The following SIAE variants were observed in gnomAD, a reference collection of about 807,000 sequenced individuals.
SIAE encodes sialate O-acetylesterase.
In SIAE, 39 loss-of-function variants were observed where a neutral mutation model predicts 52.6. The ratio of observed to expected loss-of-function variants is 0.74; its 90% CI spans 0.57 to 0.97. The LOEUF (loss-of-function observed/expected upper bound fraction) is 0.97, where lower values mean the gene tolerates loss of function less well. Ranked by LOEUF, SIAE falls within the 50% of genes least tolerant of loss-of-function variation. The probability of loss-of-function intolerance (pLI) is 0.00; values close to 1 mark genes in which losing one functional copy is unlikely to be tolerated. For missense variants in SIAE, 592 were observed against 662.1 expected, an observed-to-expected ratio of 0.89 and a Z score of 1.16; for synonymous variants, 233 against 241.4, an observed-to-expected ratio of 0.97 and a Z score of 0.32.
intron 3 of SIAE, among the ~76,000 whole-genome samples, chr11:124,656,904 A>C (rs900402151): frequency 1.3e-5 from 2 of 152,306 alleles, no homozygotes. Flanking sequence ...CGCTGGTCAC[A>C]GAGTGTGCAG....
intron 3 of SIAE, chr11:124,660,418 A>G: frequency 1.5e-6 from 1 of 663,632 alleles, no homozygotes; most frequent in Non-Finnish European, 2.8e-6. Context: ...CATTAGCACC[A>G]ATCAATAACT....
At chr11:124,666,259 A>G (rs1565418198) in intron 2 of SIAE, among the ~76,000 whole-genome samples, 1 of 152,196 alleles carries the variant, frequency 6.6e-6, no homozygotes, top group Non-Finnish European at 1.5e-5. Flanking sequence ...CCAGAGGCAG[A>G]CAAAGCAGCA....
intron 4 of SIAE, chr11:124,654,145 T>C (rs1163508010): frequency 1.1e-6 from 1 of 876,114 alleles, no homozygotes; most frequent in South Asian, 5.3e-5. Flanking sequence ...ACCACTGCAT[T>C]CCAGCCTGAG....
rs577111385 is a variant in SIAE, at chr11:124,673,717, G to A, written c.-9C>T. On this transcript the variant is annotated 5_prime_UTR_variant, in exon 1 of 10. Coordinates refer to ENST00000263593, the MANE Select transcript of SIAE (RefSeq NM_170601.5). ...AGCCCCGGCGCGACCATGCTTGCAA[G>A]GATCTGACCGCCGCCTAGGACTGGG... 1.3e-4 allele frequency: 202 copies of A among 1,613,302 alleles called. 2 individuals carry two copies. The East Asian group carries it at 3.2e-3, about 26-fold the overall frequency.
At chr11:124,675,458 C>G, upstream of SIAE, 1 of 1,597,184 alleles carries the variant, frequency 6.3e-7, no homozygotes, top group Non-Finnish European at 8.5e-7. Flanking sequence ...AAATAAGAAA[C>G]TAAGCATTTG....
intron 2 of SIAE, among the ~76,000 whole-genome samples, chr11:124,662,395 G>A (rs1280075443): frequency 6.6e-6 from 1 of 152,138 alleles, no homozygotes; most frequent in Non-Finnish European, 1.5e-5. Context: ...CTGGAGCTCT[G>A]TCCTTCTGCC....
At chr11:124,671,094 C>G (rs1943347517) in intron 1 of SIAE, among the ~76,000 whole-genome samples, 1 of 152,138 alleles carries the variant, frequency 6.6e-6, no homozygotes, top group Non-Finnish European at 1.5e-5. Context: ...AATACCTTCC[C>G]AAGTCTGTCT....
chr11:124,649,676 G>A lies in SIAE; in HGVS notation c.665C>T (p.Pro222Leu), dbSNP rs746098407. The A allele has an allele frequency of 3.1e-6, 5 of 1,614,060 alleles. No homozygotes were observed. The highest frequency in any genetic ancestry group is 3.3e-5 in the Admixed American group (2 of 60,004). Residue 222 changes from proline (P) to leucine (L), a missense_variant, in exon 5 of 10, where the codon CCC becomes CTC. Physicochemically the swap from Pro to Leu is moderately conservative, Grantham distance 98. Transcript: ENST00000263593. Reference protein sequence around the residue: ...GLIASSWGGTPIEAWSSGRSL... With the variant: ...GLIASSWGGTLIEAWSSGRSL... ...CCGTCCAGATGACCAGGCTTCAATGGGTGTCCCGCCCCAGCTGGAGGCGAT... is the reference window on the plus strand; with the variant it reads ...CCGTCCAGATGACCAGGCTTCAATGAGTGTCCCGCCCCAGCTGGAGGCGAT...
intron 7 of SIAE, among the ~76,000 whole-genome samples, chr11:124,642,594 T>G (rs542234464): frequency 4.6e-5 from 7 of 152,294 alleles, no homozygotes; most frequent in African/African-American, 1.7e-4. Flanking sequence ...TCTGGGTATG[T>G]TAGGCGGATG....
At chr11:124,664,062 TTAATTTCCTTCCTTCATTATACAGC>T (rs1943234064) in intron 2 of SIAE, among the ~76,000 whole-genome samples, 2 of 152,294 alleles carry the variant, frequency 1.3e-5, no homozygotes, top group Admixed American at 6.5e-5. Context: ...CCTAGGAAGA[TTAATTTCCTTCCTTCATTATACAGC>T]TACTTAGAGT....
At chr11:124,646,800 T>C (rs1942941589) in intron 7 of SIAE, among the ~76,000 whole-genome samples, 1 of 152,210 alleles carries the variant, frequency 6.6e-6, no homozygotes, top group South Asian at 2.1e-4. Context: ...CAAAGCTTAT[T>C]AAAGCAAAAC....
intron 2 of SIAE, among the ~76,000 whole-genome samples, chr11:124,664,225 G>A (rs74623410): frequency 0.016 from 2,401 of 151,634 alleles, 30 homozygotes; most frequent in Non-Finnish European, 0.02. Flanking sequence ...TAGCATTTCT[G>A]GTAGCCTATT....
In SIAE at chr11:124,633,819, C is replaced by T. The variant is rs1942661987; in HGVS notation, c.*3132G>A. 6.6e-6 allele frequency: 1 copy of T among 152,156 alleles called. No homozygotes were observed. The highest frequency in any genetic ancestry group is 2.4e-5 in the African/African-American group (1 of 41,438). 9.4% of individuals were successfully genotyped at this position (152,156 alleles called of 1,614,324 possible). Reference sequence around the variant, plus strand: ...ATTTACACAGAAATGATATATGCTGCTTTTATCATATAACAAATATTTTCC... The same window carrying T: ...ATTTACACAGAAATGATATATGCTGTTTTTATCATATAACAAATATTTTCC... On this transcript the variant is annotated 3_prime_UTR_variant, in exon 10 of 10. Coordinates refer to ENST00000263593, the MANE Select transcript of SIAE (RefSeq NM_170601.5).
chr11:124,673,813 A>C (rs1168723875), upstream of SIAE: 3 of 1,339,186 alleles, frequency 2.2e-6, no homozygotes, highest in African/African-American at 2.9e-5. Flanking sequence ...CAGTCCTCGC[A>C]GCCTCCCGCG....
Position 124,633,158 on chromosome 11 carries a change from G to A in SIAE, c.*3793C>T, listed in dbSNP as rs2134340389. On this transcript the variant is annotated 3_prime_UTR_variant, in exon 10 of 10. Transcript: ENST00000263593. ...ACCTTTGTATTGCACCTCAGATAAT[G>A]TGCTTTTTAGCTCAGTACACTGAAA... 1 of 152,242 alleles carries A rather than the reference G, an allele frequency of 6.6e-6. No individual in the cohort carries two copies. The highest frequency in any genetic ancestry group is 3.4e-3 in the Middle Eastern group (1 of 292). The allele number at this position is 152,242 out of a possible 1,614,324, so 9.4% of individuals were successfully genotyped here.
rs757007151 is a variant in SIAE at position 124,660,771 on chromosome 11, G to C, written c.262C>G (p.Pro88Ala). Residue 88 changes from proline (P) to alanine (A), a missense_variant, in exon 3 of 10, where the codon CCT (proline) becomes GCT (alanine). Physicochemically the swap from Pro to Ala is conservative, Grantham distance 27 (BLOSUM62 -1). Coordinates refer to ENST00000263593, the MANE Select transcript of SIAE (RefSeq NM_170601.5). ...HSDTWMVVLDPMKPGGPFEVM... is the reference protein window; with the variant it reads ...HSDTWMVVLDAMKPGGPFEVM... ...TCGAAAGGTCCTCCAGGCTTCATAG[G>C]ATCCAGTACCACCATCCACGTATCA... 5 of 1,614,138 alleles carry C rather than the reference G, an allele frequency of 3.1e-6. No individual in the cohort carries two copies. The highest frequency in any genetic ancestry group is 4.2e-6 in the Non-Finnish European group (5 of 1,180,032).
rs1942916385 is a variant in SIAE at position 124,645,343 on chromosome 11, TC to T, written c.966+2021del. ...TCTTTTTTTTTTTTGAGACGGAGTT[TC>T]GCTCTTATTGCCCAGGCTGAGTGCA... On this transcript the variant is annotated intron_variant, in intron 7 of 9. Coordinates refer to ENST00000263593, the MANE Select transcript of SIAE (RefSeq NM_170601.5). This position sits in a 1 kb window ranked among gnomAD's most constrained non-coding sequence, Gnocchi z 4.7. Among the ~76,000 whole-genome samples the T allele has an allele frequency of 6.6e-6, 1 of 151,464 alleles. No homozygotes were observed. The highest frequency in any genetic ancestry group is 1.5e-5 in the Non-Finnish European group (1 of 67,646).
Position 124,638,644 on chromosome 11 carries a change from TC to T in SIAE, c.1217del (p.Gly406AspfsTer7). On this transcript the variant is annotated frameshift_variant, in exon 9 of 10. Coordinates refer to ENST00000263593, the MANE Select transcript of SIAE (RefSeq NM_170601.5). LOFTEE classifies it high-confidence loss of function. ...AYGEKNLTFE[G>X]PLPEKIELLA... ...AGAGTTCTATCTTCTCAGGCAGTGGTCCTTCAAAGGTCAAATTCTTCTCACC... is the reference window on the plus strand; with the variant it reads ...AGAGTTCTATCTTCTCAGGCAGTGGTCTTCAAAGGTCAAATTCTTCTCACC... The T allele has an allele frequency of 6.2e-7, 1 of 1,614,134 alleles. No individual in the cohort carries two copies. Among genetic ancestry groups the T allele is most frequent in the Non-Finnish European group, 8.5e-7 (1 of 1,180,028 alleles).
intron 2 of SIAE, among the ~76,000 whole-genome samples, chr11:124,661,809 A>C (rs1018474847): frequency 6.6e-6 from 1 of 152,272 alleles, no homozygotes; most frequent in Non-Finnish European, 1.5e-5. Context: ...ATGTAAATTC[A>C]AAGGGAAAGA....
Sources: allele counts gnomAD v4.1 joint callset (sites outside exome capture counted in the v4.1 genomes callset), GRCh38; gene constraint gnomAD v4.1.1; non-coding constraint Gnocchi (gnomAD v3.1); transcripts MANE v1.5; gene names NCBI Gene and HGNC (gene_info 2026-07-23, HGNC 2026-07-21).